EVL: variants seen among roughly 807,000 people sequenced by gnomAD.
The protein encoded by EVL is ena/VASP-like protein.
A neutral mutation model predicts 59.6 loss-of-function variants in EVL; 21 were observed. The ratio of observed to expected loss-of-function variants is 0.35; its 90% CI spans 0.25 to 0.51. The LOEUF is 0.51. Ranked by LOEUF, EVL falls within the 20% of genes least tolerant of loss-of-function variation. EVL has a pLI of 0.97. For missense variants in EVL, 462 were observed against 546.6 expected (o/e 0.85, Z 1.54); for synonymous variants, 198 against 203.5 (o/e 0.97, Z 0.23).
At chr14:100,098,516 A>G (rs1885976049) in intron 3 of EVL, among the ~76,000 whole-genome samples, 1 of 152,242 alleles carries the variant, frequency 6.6e-6, no homozygotes, top group African/African-American at 2.4e-5. Flanking sequence ...GGCTTGCTTG[A>G]TACTTAGGGT....
intron 3 of EVL, among the ~76,000 whole-genome samples, chr14:100,116,644 C>T (rs1186533605): frequency 2.6e-5 from 4 of 152,190 alleles, no homozygotes; most frequent in Non-Finnish European, 5.9e-5. Flanking sequence ...CGCTCCCTGC[C>T]TACCCCGCGC....
chr14:100,141,877 G>A, intron 13 of EVL, 84 bp downstream of exon 13: 6 of 1,292,988 alleles, frequency 4.6e-6, no homozygotes, highest in Non-Finnish European at 6.5e-6. Flanking sequence ...GGGGCCTCCA[G>A]TTTTGAGCTG....
chr14:100,056,761 A>C (rs2061740253), intron 1 of EVL, among the ~76,000 whole-genome samples: 2 of 152,184 alleles, frequency 1.3e-5, no homozygotes, highest in South Asian at 4.1e-4. Flanking sequence ...CTAAGCTTGA[A>C]AAAACGAGGC....
chr14:100,085,626 G>C (rs1164130370), intron 2 of EVL, among the ~76,000 whole-genome samples: 1 of 152,230 alleles, frequency 6.6e-6, no homozygotes, highest in East Asian at 1.9e-4. Flanking sequence ...GGCAGCCTTT[G>C]TGGGTCAAGC....
At chr14:100,047,116 C>CTTTTTTTTT (rs1158933445) in intron 1 of EVL, among the ~76,000 whole-genome samples, 384 of 28,360 alleles carry the variant, frequency 0.014, 9 homozygotes, top group South Asian at 0.027. Flanking sequence ...AGATCTCTCT[C>CTTTTTTTTT]TCTTTTTTTT....
At chr14:100,132,369 G>C (rs989323794) in intron 7 of EVL, among the ~76,000 whole-genome samples, 1 of 151,976 alleles carries the variant, frequency 6.6e-6, no homozygotes, top group Non-Finnish European at 1.5e-5. Context: ...TCTCTGTCCC[G>C]TGTGGCCAGG....
intron 1 of EVL, among the ~76,000 whole-genome samples, chr14:100,025,263 T>C (rs2061191654): frequency 6.6e-6 from 1 of 152,168 alleles, no homozygotes. Context: ...GGCCCTCTTA[T>C]CAGATTCCAT....
intron 1 of EVL, among the ~76,000 whole-genome samples, chr14:100,030,963 G>T (rs150490675): frequency 4.6e-5 from 7 of 152,132 alleles, no homozygotes; most frequent in African/African-American, 1.7e-4. Flanking sequence ...AGGACTACAC[G>T]GGACAACTAT....
At position 100,108,613 on chromosome 14, in the gene EVL, C is replaced by G. The variant is rs565510653; in HGVS notation, c.358+10955C>G. On this transcript the variant is annotated intron_variant, in intron 3 of 13. Coordinates refer to ENST00000392920, the MANE Select transcript of EVL (RefSeq NM_016337.3). This position sits in a 1 kb window ranked among gnomAD's most constrained non-coding sequence, Gnocchi z 4.1. ...TTGTACGCCTCCATGCCAACAGCTA[C>G]CCAAGTCGCACCGTCAGTCACACTC... Among the ~76,000 whole-genome samples the G allele has an allele frequency of 1.3e-5, 2 of 152,310 alleles. No individual in the cohort carries two copies. Among genetic ancestry groups the G allele is most frequent in the African/African-American group, 4.8e-5 (2 of 41,570 alleles).
intron 1 of EVL, among the ~76,000 whole-genome samples, chr14:100,033,319 A>G (rs2061341745): frequency 6.6e-6 from 1 of 152,204 alleles, no homozygotes; most frequent in Non-Finnish European, 1.5e-5. Flanking sequence ...CACTTTTGTT[A>G]TCACATCTAA....
rs142610915 is a variant in EVL at position 100,101,701 on chromosome 14, T to C, written c.358+4043T>C. ...TTGGGAAGTCTTGCCAAATGCCTTCTAGCATGACTATACTGGTTTACACGC... is the reference window on the plus strand; with the variant it reads ...TTGGGAAGTCTTGCCAAATGCCTTCCAGCATGACTATACTGGTTTACACGC... On this transcript the variant is annotated intron_variant, in intron 3 of 13. Coordinates refer to ENST00000392920, the MANE Select transcript of EVL (RefSeq NM_016337.3). Among the ~76,000 whole-genome samples the C allele has an allele frequency of 2.5e-4, 38 of 152,318 alleles. 1 individual carries two copies. In the East Asian group the frequency reaches 6.2e-3, roughly 25 times the overall value.
intron 1 of EVL, chr14:100,019,244 G>A (rs928736953): frequency 3.5e-5 from 6 of 170,286 alleles, no homozygotes; most frequent in Non-Finnish European, 7.4e-5. Flanking sequence ...CAGCGGAACA[G>A]GTTGCATTCT....
At chr14:100,100,087 A>C (rs1886111129) in intron 3 of EVL, among the ~76,000 whole-genome samples, 1 of 152,196 alleles carries the variant, frequency 6.6e-6, no homozygotes, top group Admixed American at 6.5e-5. Flanking sequence ...TCACCAGAGA[A>C]TCACAGGTAA....
intron 1 of EVL, among the ~76,000 whole-genome samples, chr14:99,999,100 T>C (rs2060931030): frequency 6.6e-6 from 1 of 152,130 alleles, no homozygotes; most frequent in South Asian, 2.1e-4. Context: ...ACAGTAGTAA[T>C]GTTCATGCAG....
At chr14:100,061,790 A>C (rs1470000767), upstream of EVL, among the ~76,000 whole-genome samples, 4 of 152,182 alleles carry the variant, frequency 2.6e-5, no homozygotes, top group Non-Finnish European at 5.9e-5. Context: ...AGCTAGAGAA[A>C]AAATTTTATT....
chr14:100,062,391 A>G (rs2140265172), upstream of EVL, among the ~76,000 whole-genome samples: 1 of 152,220 alleles, frequency 6.6e-6, no homozygotes, highest in African/African-American at 2.4e-5. Context: ...GTACCCTACA[A>G]AGTTAAGAAT....
chr14:99,985,908 A>G (rs1011765144), intron 1 of EVL, among the ~76,000 whole-genome samples: 1 of 152,196 alleles, frequency 6.6e-6, no homozygotes, highest in African/African-American at 2.4e-5. Flanking sequence ...GCTTGAATAC[A>G]GAAAGATGTT....
chr14:100,016,572 G>A (rs898215305), intron 1 of EVL, among the ~76,000 whole-genome samples: 3 of 152,178 alleles, frequency 2.0e-5, no homozygotes, highest in East Asian at 1.9e-4. Context: ...GCGAGACTCC[G>A]TCTCTAAAAC....
chr14:100,136,363 A>G (rs1259381381), intron 9 of EVL, among the ~76,000 whole-genome samples: 1 of 152,244 alleles, frequency 6.6e-6, no homozygotes, highest in Non-Finnish European at 1.5e-5. Flanking sequence ...GTGAAACGCC[A>G]GCTGATGACC....
Sources: gnomAD v4.1 joint callset for allele counts (sites outside exome capture counted in the v4.1 genomes callset) on GRCh38, gnomAD v4.1.1 for gene constraint, Gnocchi (gnomAD v3.1) non-coding constraint, MANE v1.5 for transcripts, NCBI Gene and HGNC (gene_info 2026-07-23, HGNC 2026-07-21) for gene names.